LHFPL3: variants seen among roughly 807,000 people sequenced by gnomAD.
The protein encoded by LHFPL3 is LHFPL tetraspan subfamily member 3 protein.
Under a neutral mutation model 19.3 loss-of-function variants are expected in LHFPL3, and 5 were observed. That is an observed-to-expected ratio of 0.26 (90% CI 0.14 to 0.54). The LOEUF is 0.54. LHFPL3 is among the 20% of genes least tolerant of loss of function. The pLI, the probability that LHFPL3 is intolerant of heterozygous loss-of-function variation, is 0.94. For missense variants in LHFPL3, 249 were observed against 307.4 expected (o/e 0.81, Z 1.42); for synonymous variants, 133 against 126.2 (o/e 1.05, Z -0.36).
At chr7:104,389,720 T>G (rs1215801082) in intron 1 of LHFPL3, among the ~76,000 whole-genome samples, 1 of 152,114 alleles carries the variant, frequency 6.6e-6, no homozygotes, top group Admixed American at 6.6e-5. Flanking sequence ...CATCTATAGT[T>G]AATTGATTTT....
chr7:104,351,191 T>C (rs1790167982), intron 1 of LHFPL3, among the ~76,000 whole-genome samples: 1 of 152,174 alleles, frequency 6.6e-6, no homozygotes, highest in Non-Finnish European at 1.5e-5. Context: ...GCAGTTAACA[T>C]GGTTAGTACC....
At chr7:104,491,850 A>C (rs1388545037) in intron 1 of LHFPL3, among the ~76,000 whole-genome samples, 1 of 152,236 alleles carries the variant, frequency 6.6e-6, no homozygotes, top group Non-Finnish European at 1.5e-5. Context: ...TCCAAATTAA[A>C]ATGACCAACA....
At chr7:104,772,614 A>G (rs1321024931) in intron 2 of LHFPL3, among the ~76,000 whole-genome samples, 6 of 152,260 alleles carry the variant, frequency 3.9e-5, no homozygotes, top group African/African-American at 1.2e-4. Context: ...CTGCTCTGCA[A>G]AGTGAATGGA....
intron 1 of LHFPL3, among the ~76,000 whole-genome samples, chr7:104,590,469 T>C (rs1303790980): frequency 1.3e-5 from 2 of 152,224 alleles, no homozygotes; most frequent in Admixed American, 1.3e-4. Context: ...TGCACTGTGG[T>C]CTGAGAGACA....
At position 104,600,059 on chromosome 7, in the gene LHFPL3, C is replaced by T. The variant is rs572164523; in HGVS notation, c.446-136616C>T. Among the ~76,000 whole-genome samples, 5 of 152,266 alleles carry T rather than the reference C, an allele frequency of 3.3e-5. No homozygotes were observed. In the South Asian group the frequency reaches 1.0e-3, roughly 32 times the overall value. ...AGGAAGTATGGCTCATCGCTCATGG[C>T]CTGCTGTCTGTGTACAGAAACTCAC... On this transcript the variant is annotated intron_variant, in intron 1 of 2. Transcript: ENST00000424859.
chr7:104,824,938 A>G (rs1271066392), intron 2 of LHFPL3, among the ~76,000 whole-genome samples: 1 of 141,964 alleles, frequency 7.0e-6, no homozygotes, highest in Non-Finnish European at 1.5e-5. Flanking sequence ...TACTATATAT[A>G]TAATGTGTTT....
Position 104,399,166 on chromosome 7 carries a change from G to A in LHFPL3, c.445+69942G>A, listed in dbSNP as rs1284408664. 2.0e-5 allele frequency among the ~76,000 whole-genome samples: 3 copies of A among 152,128 alleles called. No individual in the cohort carries two copies. The highest frequency in any genetic ancestry group is 4.8e-5 in the African/African-American group (2 of 41,422). On this transcript the variant is annotated intron_variant, in intron 1 of 2. Transcript: ENST00000424859. The surrounding 1 kb of genome is among the most constrained non-coding windows in gnomAD (Gnocchi z 4.4). ...TCTGGGGAATGGAGAGTTTCAGTGA[G>A]CTGCCCCAGGAGCTGCCACCCCTGA...
chr7:104,817,940 C>T (rs1245557760), intron 2 of LHFPL3, among the ~76,000 whole-genome samples: 1 of 152,148 alleles, frequency 6.6e-6, no homozygotes, highest in African/African-American at 2.4e-5. Context: ...AATTAAGTAC[C>T]ATTCATTTCC....
intron 2 of LHFPL3, among the ~76,000 whole-genome samples, chr7:104,749,147 A>AT (rs1479309369): frequency 6.6e-6 from 1 of 152,164 alleles, no homozygotes; most frequent in East Asian, 1.9e-4. Context: ...TCTTATTTCT[A>AT]TTTTTTGTGG....
chr7:104,626,858 AT>A (rs1222806104), intron 1 of LHFPL3, among the ~76,000 whole-genome samples: 1 of 152,064 alleles, frequency 6.6e-6, no homozygotes, highest in African/African-American at 2.4e-5. Flanking sequence ...ACTTGTTATT[AT>A]TTTTCTCAAT....
Position 104,589,856 on chromosome 7 carries a change from G to C in LHFPL3, c.446-146819G>C, listed in dbSNP as rs142738298. 6.9e-4 allele frequency among the ~76,000 whole-genome samples: 105 copies of C among 152,120 alleles called. 1 individual carries two copies. Among genetic ancestry groups the C allele is most frequent in the Non-Finnish European group, 1.3e-3 (85 of 67,962 alleles). On this transcript the variant is annotated intron_variant, in intron 1 of 2. Transcript: ENST00000424859. Reference sequence around the variant, plus strand: ...TTAATCTTGGGAGGGTGTATGTGCCGAGGAATTTATCCATTTCTTCTAGAT... The same window carrying C: ...TTAATCTTGGGAGGGTGTATGTGCCCAGGAATTTATCCATTTCTTCTAGAT...
At chr7:104,558,087 A>T (rs1199059678) in intron 1 of LHFPL3, among the ~76,000 whole-genome samples, 3 of 150,082 alleles carry the variant, frequency 2.0e-5, no homozygotes, top group African/African-American at 4.9e-5. Flanking sequence ...ACTGTTGGAC[A>T]TTTGGGTTGG....
chr7:104,513,821 T>C (rs1793867602), intron 1 of LHFPL3, among the ~76,000 whole-genome samples: 1 of 152,194 alleles, frequency 6.6e-6, no homozygotes, highest in Non-Finnish European at 1.5e-5. Context: ...TTTAAAGGTC[T>C]TCAAGTGATT....
intron 1 of LHFPL3, among the ~76,000 whole-genome samples, chr7:104,616,669 G>A (rs1330357092): frequency 6.6e-6 from 1 of 152,154 alleles, no homozygotes; most frequent in East Asian, 1.9e-4. Flanking sequence ...CTTCTGCACA[G>A]CAAAAGAAAC....
chr7:104,765,189 G>A (rs1439784350), intron 2 of LHFPL3, among the ~76,000 whole-genome samples: 2 of 152,158 alleles, frequency 1.3e-5, no homozygotes, highest in Non-Finnish European at 2.9e-5. Flanking sequence ...GGCAATTTGA[G>A]GGAAGAAAGA....
intron 1 of LHFPL3, among the ~76,000 whole-genome samples, chr7:104,575,171 GTCTTAGAGGGAA>G (rs1206086264): frequency 6.6e-6 from 1 of 152,192 alleles, no homozygotes; most frequent in Non-Finnish European, 1.5e-5. Context: ...GTTGGAAGGA[GTCTTAGAGGGAA>G]TCCCATTTTC....
At chr7:104,529,125 A>C (rs1294089632) in intron 1 of LHFPL3, among the ~76,000 whole-genome samples, 2 of 152,132 alleles carry the variant, frequency 1.3e-5, no homozygotes, top group African/African-American at 4.8e-5. Context: ...GAGATGGCTT[A>C]TTACCTCTTT....
intron 1 of LHFPL3, among the ~76,000 whole-genome samples, chr7:104,576,960 C>A (rs1790349920): frequency 6.6e-6 from 1 of 152,170 alleles, no homozygotes; most frequent in African/African-American, 2.4e-5. Context: ...ATCTTCTTAC[C>A]TTTCTTGGGC....
chr7:104,787,521 A>G (rs1323457409), intron 2 of LHFPL3, among the ~76,000 whole-genome samples: 1 of 152,184 alleles, frequency 6.6e-6, no homozygotes, highest in Non-Finnish European at 1.5e-5. Context: ...TTCTCCTTGC[A>G]TCCTCACATA....
Sources: gnomAD v4.1 joint callset for allele counts (sites outside exome capture counted in the v4.1 genomes callset) on GRCh38, gnomAD v4.1.1 for gene constraint, Gnocchi (gnomAD v3.1) non-coding constraint, MANE v1.5 for transcripts, NCBI Gene and HGNC (gene_info 2026-07-23, HGNC 2026-07-21) for gene names.